Variants in PDE4D observed in about 807,000 individuals in gnomAD.
PDE4D encodes phosphodiesterase 4D, also known as 3',5'-cyclic-AMP phosphodiesterase 4D.
PDE4D carries 24 observed loss-of-function variants against 87.4 expected under a neutral mutation model. The ratio of observed to expected loss-of-function variants is 0.27; its 90% CI spans 0.20 to 0.39. The LOEUF (loss-of-function observed/expected upper bound fraction) is 0.39. Among genes scored for constraint, PDE4D ranks in the 10% least tolerant of loss-of-function variants. PDE4D has a pLI of 1.00. For synonymous variants in PDE4D, 384 were observed against 383.2 expected, an observed-to-expected ratio of 1.00 and a Z score of -0.02; for missense variants, 714 against 1,041.0, an observed-to-expected ratio of 0.69 and a Z score of 4.32.
chr5:60,229,578 C>T (rs1448322816), intron 1 of PDE4D, among the ~76,000 whole-genome samples: 1 of 152,098 alleles, frequency 6.6e-6, no homozygotes, highest in African/African-American at 2.4e-5. Flanking sequence ...TGTAAATGGT[C>T]TCCTGAGTTC....
intron 2 of PDE4D, chr5:60,160,651 A>T: frequency 4.3e-6 from 1 of 232,950 alleles, no homozygotes; most frequent in Non-Finnish European, 8.7e-6. Flanking sequence ...AATCCCTTTG[A>T]TATGAAATGT....
At chr5:59,758,519 T>A (rs1394360620) in intron 1 of PDE4D, among the ~76,000 whole-genome samples, 1 of 152,140 alleles carries the variant, frequency 6.6e-6, no homozygotes, top group African/African-American at 2.4e-5. Flanking sequence ...ATAAAATGAT[T>A]TTTCTGTTTT....
At chr5:60,455,691 C>G (rs1259347153) in intron 1 of PDE4D, among the ~76,000 whole-genome samples, 1 of 151,532 alleles carries the variant, frequency 6.6e-6, no homozygotes, top group African/African-American at 2.4e-5. Context: ...ATAGCAATTA[C>G]CACCACCACC....
chr5:59,694,388 C>T (rs538687248), intron 1 of PDE4D, among the ~76,000 whole-genome samples: 101 of 152,202 alleles, frequency 6.6e-4, no homozygotes, highest in Middle Eastern at 6.8e-3. Flanking sequence ...TCTGGCACTG[C>T]GCAGTGAGCC....
At chr5:60,444,813 G>C (rs538210347) in intron 1 of PDE4D, among the ~76,000 whole-genome samples, 1 of 151,538 alleles carries the variant, frequency 6.6e-6, no homozygotes, top group African/African-American at 2.4e-5. Flanking sequence ...CTGACAAGCC[G>C]TTCTGGGGGG....
At chr5:59,611,406 A>G (rs977613196) in intron 1 of PDE4D, among the ~76,000 whole-genome samples, 1 of 152,116 alleles carries the variant, frequency 6.6e-6, no homozygotes, top group Non-Finnish European at 1.5e-5. Context: ...TTTTGGGAGG[A>G]CACAAGCAGT....
chr5:60,171,706 A>T (rs941852040), intron 2 of PDE4D, among the ~76,000 whole-genome samples: 1 of 152,092 alleles, frequency 6.6e-6, no homozygotes, highest in Admixed American at 6.6e-5. Flanking sequence ...TAAGGCCTGT[A>T]TGGCCACTTA....
intron 1 of PDE4D, among the ~76,000 whole-genome samples, chr5:60,223,823 A>G (rs941750857): frequency 8.5e-5 from 13 of 152,116 alleles, no homozygotes; most frequent in African/African-American, 2.9e-4. Context: ...ACTATTCTTA[A>G]TTCTCAAACT....
chr5:60,051,668 G>T (rs190652858), intron 2 of PDE4D, among the ~76,000 whole-genome samples: 1 of 151,822 alleles, frequency 6.6e-6, no homozygotes, highest in Admixed American at 6.6e-5. Context: ...GCTAACAGAA[G>T]ACAAGAAACA....
intron 1 of PDE4D, among the ~76,000 whole-genome samples, chr5:59,750,183 C>G (rs1207281180): frequency 1.3e-5 from 2 of 149,246 alleles, no homozygotes; most frequent in African/African-American, 5.0e-5. Flanking sequence ...TAACTGGTCT[C>G]TGCTTCCATT....
rs149448440 is a variant in PDE4D at position 59,273,514 on chromosome 5, C to T, written c.456-57546G>A. Among the ~76,000 whole-genome samples, 388 of 152,096 alleles carry T rather than the reference C, an allele frequency of 2.6e-3. 2 individuals are homozygous for T. Among genetic ancestry groups the T allele is most frequent in the African/African-American group, 9.1e-3 (378 of 41,510 alleles). ...AACTGTTACTACAGCTGATTATACCCTCAGGCCAAATTTTTTGGCAGCTGC... is the reference window on the plus strand; with the variant it reads ...AACTGTTACTACAGCTGATTATACCTTCAGGCCAAATTTTTTGGCAGCTGC... On this transcript the variant is annotated intron_variant, in intron 1 of 14. Transcript: ENST00000340635.
intron 1 of PDE4D, among the ~76,000 whole-genome samples, chr5:59,681,184 A>C (rs2150363393): frequency 6.6e-6 from 1 of 152,324 alleles, no homozygotes; most frequent in South Asian, 2.1e-4. Context: ...GTAAAAAAGT[A>C]CTCAAAGAAT....
intron 1 of PDE4D, among the ~76,000 whole-genome samples, chr5:59,440,176 CACTT>C (rs1185712518): frequency 1.3e-5 from 2 of 152,084 alleles, no homozygotes; most frequent in African/African-American, 4.8e-5. Context: ...ATTTAGCAGT[CACTT>C]AAAGTTTTCA....
intron 3 of PDE4D, among the ~76,000 whole-genome samples, chr5:59,916,775 A>G (rs1827340): frequency 0.65 from 98,562 of 151,656 alleles, 34,337 homozygotes; most frequent in African/African-American, 0.91. Context: ...AAATCTATAA[A>G]ACTACATAGA....
At chr5:58,994,588 GGTAA>G (rs1170939380) in intron 6 of PDE4D, among the ~76,000 whole-genome samples, 1 of 152,038 alleles carries the variant, frequency 6.6e-6, no homozygotes, top group African/African-American at 2.4e-5. Context: ...TAAGTATGAA[GGTAA>G]GTGTTGAATG....
chr5:59,791,304 T>C (rs1285204535), intron 1 of PDE4D, among the ~76,000 whole-genome samples: 1 of 152,220 alleles, frequency 6.6e-6, no homozygotes, highest in Admixed American at 6.5e-5. Context: ...CTACTTGATC[T>C]TAGCCAAAGG....
At position 59,465,232 on chromosome 5, in the gene PDE4D, G is replaced by A. The variant is rs554262122; in HGVS notation, c.456-249264C>T. The stretch of plus-strand genomic sequence containing the variant: ...CCATTCAGTACTGTTTCCTACATCA[G>A]GACTTTGCACATGCTGTTCCCAGAC... On this transcript the variant is annotated intron_variant, in intron 1 of 14. Transcript: ENST00000340635. Among the ~76,000 whole-genome samples, 150 of 152,120 alleles carry A rather than the reference G, an allele frequency of 9.9e-4. 1 individual carries two copies. The highest frequency in any genetic ancestry group is 3.5e-3 in the African/African-American group (144 of 41,510).
At chr5:60,442,225 T>C (rs1159639920) in intron 1 of PDE4D, among the ~76,000 whole-genome samples, 2 of 151,952 alleles carry the variant, frequency 1.3e-5, no homozygotes, top group African/African-American at 4.8e-5. Context: ...ATAAAGAAAA[T>C]GTGGCACATA....
chr5:59,636,839 C>T (rs1832313391), intron 1 of PDE4D, among the ~76,000 whole-genome samples: 1 of 152,140 alleles, frequency 6.6e-6, no homozygotes. Context: ...AGGACATAAG[C>T]ATGGGCAAAG....
Sources: allele counts gnomAD v4.1 joint callset (sites outside exome capture counted in the v4.1 genomes callset), GRCh38; gene constraint gnomAD v4.1.1; transcripts MANE v1.5; gene names NCBI Gene and HGNC (gene_info 2026-07-23, HGNC 2026-07-21).